Variants in GATAD2B observed in about 807,000 individuals in gnomAD.
The protein encoded by GATAD2B is GATA zinc finger domain containing 2B.
A neutral mutation model predicts 64.3 loss-of-function variants in GATAD2B; 8 were observed. That is an observed-to-expected ratio of 0.12 (90% CI 0.07 to 0.22). GATAD2B has a LOEUF of 0.22. Ranked by LOEUF, GATAD2B falls within the 10% of genes least tolerant of loss-of-function variation. The pLI is 1.00. For synonymous variants in GATAD2B, 281 were observed against 271.3 expected, an observed-to-expected ratio of 1.04 and a Z score of -0.35; for missense variants, 453 against 752.0, an observed-to-expected ratio of 0.60 and a Z score of 4.65.
rs560543105 is a variant in GATAD2B, at chr1:153,871,671, A to G, written c.-1-43323T>C. On this transcript the variant is annotated intron_variant, in intron 1 of 10. Coordinates refer to ENST00000368655, the MANE Select transcript of GATAD2B (RefSeq NM_020699.4). ...ATTTTTAGTAGAGACGGGTTTTACC[A>G]TGTTGGGCAGGCTGGTCTCGACCTC... Among the ~76,000 whole-genome samples the G allele has an allele frequency of 1.8e-3, 281 of 151,960 alleles. 1 individual carries two copies. Among genetic ancestry groups the G allele is most frequent in the African/African-American group, 6.5e-3 (270 of 41,464 alleles).
At chr1:153,921,080 G>A (rs114901036) in intron 1 of GATAD2B, among the ~76,000 whole-genome samples, 1 of 152,130 alleles carries the variant, frequency 6.6e-6, no homozygotes, top group African/African-American at 2.4e-5. Context: ...AGTACTGACA[G>A]AAATACTACT....
At chr1:153,897,966 T>C (rs1677648181) in intron 1 of GATAD2B, among the ~76,000 whole-genome samples, 1 of 136,762 alleles carries the variant, frequency 7.3e-6, no homozygotes, top group South Asian at 2.3e-4. Context: ...AGCAACATAA[T>C]GAGACCCTGT....
Position 153,806,871 on chromosome 1 carries a change from T to C in GATAD2B, c.*3306A>G, listed in dbSNP as rs547459190. 2.0e-5 allele frequency: 3 copies of C among 152,486 alleles called. No individual in the cohort carries two copies. Among genetic ancestry groups the C allele is most frequent in the Admixed American group, 2.0e-4 (3 of 15,282 alleles). The allele number at this position is 152,486 out of a possible 1,614,324, so 9.4% of individuals were successfully genotyped here. A position where few individuals can be genotyped will look rare whatever the true frequency, so the allele number is the denominator to read the frequency against. On this transcript the variant is annotated 3_prime_UTR_variant, in exon 11 of 11. Coordinates refer to ENST00000368655, the MANE Select transcript of GATAD2B (RefSeq NM_020699.4). Reference sequence around the variant, plus strand: ...AAAGTAAAATATCAAGAAGCATCTTTACAAAGCAGTTCTATAGCTAATTCC... The same window carrying C: ...AAAGTAAAATATCAAGAAGCATCTTCACAAAGCAGTTCTATAGCTAATTCC...
chr1:153,817,330 G>C, intron 6 of GATAD2B, 42 bp downstream of exon 6: 1 of 1,456,174 alleles, frequency 6.9e-7, no homozygotes, highest in Non-Finnish European at 9.1e-7. Context: ...AGCAAACAAA[G>C]GGATTTCTCT....
chr1:153,832,057 A>T (rs1253204600), intron 1 of GATAD2B, among the ~76,000 whole-genome samples: 2 of 152,224 alleles, frequency 1.3e-5, no homozygotes, highest in Non-Finnish European at 2.9e-5. Flanking sequence ...TCTACTAAAA[A>T]TACAAAAATT....
At chr1:153,879,720 G>A (rs929930178) in intron 1 of GATAD2B, among the ~76,000 whole-genome samples, 4 of 138,170 alleles carry the variant, frequency 2.9e-5, no homozygotes, top group African/African-American at 8.2e-5. Flanking sequence ...CCAACAATGC[G>A]CCACTGCACT....
chr1:153,908,625 C>T (rs1453581128), intron 1 of GATAD2B, among the ~76,000 whole-genome samples: 5 of 151,630 alleles, frequency 3.3e-5, no homozygotes, highest in African/African-American at 4.8e-5. Flanking sequence ...TGTGCCACCA[C>T]GCCCAGCTAA....
At chr1:153,822,755 C>T (rs188356938) in intron 2 of GATAD2B, among the ~76,000 whole-genome samples, 1 of 152,302 alleles carries the variant, frequency 6.6e-6, no homozygotes, top group East Asian at 1.9e-4. Context: ...CCTCAGCCTC[C>T]CAAAGAGCTG....
At chr1:153,858,849 G>T (rs1208477943) in intron 1 of GATAD2B, among the ~76,000 whole-genome samples, 1 of 152,114 alleles carries the variant, frequency 6.6e-6, no homozygotes, top group African/African-American at 2.4e-5. Context: ...GTGGTGTTAG[G>T]GTAGGGGAAG....
chr1:153,870,639 A>G (rs1676633872), intron 1 of GATAD2B, among the ~76,000 whole-genome samples: 1 of 152,182 alleles, frequency 6.6e-6, no homozygotes, highest in African/African-American at 2.4e-5. Flanking sequence ...ATGCTGTCAA[A>G]TGCAGTCAAA....
intron 1 of GATAD2B, among the ~76,000 whole-genome samples, chr1:153,891,574 TAAAAAAA>T (rs1163572311): frequency 3.5e-4 from 7 of 19,946 alleles, no homozygotes; most frequent in Admixed American, 1.2e-3. Context: ...CTGTCTCGTT[TAAAAAAA>T]AAAAAAAAAA....
In GATAD2B at chr1:153,838,431, A is replaced by G. The variant is rs572326028; in HGVS notation, c.-1-10083T>C. 1.6e-4 allele frequency among the ~76,000 whole-genome samples: 25 copies of G among 151,770 alleles called. No homozygotes were observed. In the South Asian group the frequency reaches 5.2e-3, roughly 32 times the overall value. On this transcript the variant is annotated intron_variant, in intron 1 of 10. Coordinates refer to ENST00000368655, the MANE Select transcript of GATAD2B (RefSeq NM_020699.4). ...TGCCTTTTTTTTTGTTTTGAGATGG[A>G]GTTTTTGCTCTGTTGCCCAGGCTGG...
At chr1:153,827,160 G>C (rs1227854603) in intron 2 of GATAD2B, among the ~76,000 whole-genome samples, 4 of 150,542 alleles carry the variant, frequency 2.7e-5, no homozygotes, top group Non-Finnish European at 5.9e-5. Flanking sequence ...GTGTGGGTTG[G>C]GGTTGAGGGG....
At chr1:153,824,612 TAAAAAA>T (rs771879855) in intron 2 of GATAD2B, among the ~76,000 whole-genome samples, 3 of 96,698 alleles carry the variant, frequency 3.1e-5, no homozygotes, top group Non-Finnish European at 5.7e-5. Context: ...ACTCTGCCTT[TAAAAAA>T]AAAAAAAAAA....
chr1:153,837,598 A>G (rs1438854069), intron 1 of GATAD2B, among the ~76,000 whole-genome samples: 1 of 152,174 alleles, frequency 6.6e-6, no homozygotes, highest in Non-Finnish European at 1.5e-5. Flanking sequence ...TTTTACCACA[A>G]CAAAATTGCA....
chr1:153,857,446 G>C (rs1424584659), intron 1 of GATAD2B, among the ~76,000 whole-genome samples: 1 of 151,840 alleles, frequency 6.6e-6, no homozygotes, highest in African/African-American at 2.4e-5. Flanking sequence ...ACTCTCAAAT[G>C]TGTGTGTGTG....
chr1:153,910,326 G>C (rs538192928), intron 1 of GATAD2B, among the ~76,000 whole-genome samples: 12 of 152,120 alleles, frequency 7.9e-5, no homozygotes, highest in Non-Finnish European at 1.8e-4. Flanking sequence ...ACTTTACGAT[G>C]GTGTGAAGGT....
chr1:153,833,837 AAG>A (rs1202974814), intron 1 of GATAD2B, among the ~76,000 whole-genome samples: 1 of 151,502 alleles, frequency 6.6e-6, no homozygotes, highest in Non-Finnish European at 1.5e-5. Flanking sequence ...AAAAAGAAAA[AAG>A]AAATATTAAT....
At chr1:153,836,263 GTTT>G (rs754264117) in intron 1 of GATAD2B, among the ~76,000 whole-genome samples, 3 of 106,574 alleles carry the variant, frequency 2.8e-5, no homozygotes, top group Non-Finnish European at 2.0e-5. Flanking sequence ...AAAAAAATTT[GTTT>G]TTTTTTTTTT....
Sources: gnomAD v4.1 joint callset for allele counts (sites outside exome capture counted in the v4.1 genomes callset) on GRCh38, gnomAD v4.1.1 for gene constraint, MANE v1.5 for transcripts, NCBI Gene and HGNC (gene_info 2026-07-23, HGNC 2026-07-21) for gene names.